The following EHBP1 variants were observed in gnomAD, a reference collection of about 807,000 sequenced individuals.
EHBP1 encodes EH domain-binding protein 1.
In EHBP1, 55 loss-of-function variants were observed where a neutral mutation model predicts 144.0. That is an observed-to-expected ratio of 0.38 (90% confidence interval 0.31 to 0.48). EHBP1 has a LOEUF of 0.48. Among genes scored for constraint, EHBP1 ranks in the 20% least tolerant of loss-of-function variants. The probability of loss-of-function intolerance (pLI) is 0.98; values close to 1 mark genes in which losing one functional copy is unlikely to be tolerated. For synonymous variants in EHBP1, 469 were observed against 472.7 expected, an observed-to-expected ratio of 0.99 and a Z score of 0.10; for missense variants, 1,200 against 1,364.2, an observed-to-expected ratio of 0.88 and a Z score of 1.90.
chr2:62,769,413 C>T lies in EHBP1; in HGVS notation c.259-1926C>T, dbSNP rs569675970. 2.0e-5 allele frequency among the ~76,000 whole-genome samples: 3 copies of T among 151,896 alleles called. No individual in the cohort carries two copies. The East Asian group carries it at 5.8e-4, about 29-fold the overall frequency. On this transcript the variant is annotated intron_variant, in intron 4 of 22. Transcript: ENST00000431489. ...GGAACACAATCCCATTTATAATTGC[C>T]CCAAAAATAATAAAATACCTAGGAA...
intron 5 of EHBP1, among the ~76,000 whole-genome samples, chr2:62,774,797 A>T (rs895003638): frequency 6.6e-6 from 1 of 152,170 alleles, no homozygotes; most frequent in Non-Finnish European, 1.5e-5. Flanking sequence ...GTGAGCTGTG[A>T]TCGTGACACT....
intron 19 of EHBP1, among the ~76,000 whole-genome samples, chr2:63,008,026 A>G (rs1410700133): frequency 6.6e-6 from 1 of 151,678 alleles, no homozygotes; most frequent in Non-Finnish European, 1.5e-5. Context: ...TTCTTAAACA[A>G]TTGGATGAAA....
chr2:62,755,019 C>T (rs2040143034), intron 3 of EHBP1, among the ~76,000 whole-genome samples: 1 of 152,210 alleles, frequency 6.6e-6, no homozygotes, highest in African/African-American at 2.4e-5. Context: ...CGACAAGCCC[C>T]AGTAAGATGA....
intron 19 of EHBP1, among the ~76,000 whole-genome samples, chr2:63,008,675 A>G (rs898087524): frequency 6.6e-6 from 1 of 150,976 alleles, no homozygotes; most frequent in Non-Finnish European, 1.5e-5. Flanking sequence ...TTTGCCTAAA[A>G]ATAATAAATG....
intron 14 of EHBP1, among the ~76,000 whole-genome samples, chr2:62,971,390 T>G (rs2058489760): frequency 6.6e-6 from 1 of 152,214 alleles, no homozygotes; most frequent in South Asian, 2.1e-4. Flanking sequence ...GCTGGGAACG[T>G]AAGTTTTAAG....
chr2:63,027,505 T>C (rs2061031104), intron 19 of EHBP1, among the ~76,000 whole-genome samples: 1 of 152,076 alleles, frequency 6.6e-6, no homozygotes, highest in African/African-American at 2.4e-5. Context: ...GATTTCAAGG[T>C]GTTGTGTAAT....
intron 1 of EHBP1, among the ~76,000 whole-genome samples, chr2:62,687,822 A>C (rs963042364): frequency 8.5e-5 from 13 of 152,212 alleles, no homozygotes; most frequent in African/African-American, 1.4e-4. Flanking sequence ...GTGTGTCCTT[A>C]TAAAGTATGA....
At chr2:63,028,844 G>A (rs749485184) in intron 19 of EHBP1, among the ~76,000 whole-genome samples, 9 of 152,148 alleles carry the variant, frequency 5.9e-5, no homozygotes, top group Non-Finnish European at 1.2e-4. Context: ...TAAAGGTGCT[G>A]TGCTTTTAAC....
chr2:62,746,751 G>C (rs961068533), intron 2 of EHBP1, among the ~76,000 whole-genome samples: 1 of 152,030 alleles, frequency 6.6e-6, no homozygotes, highest in Non-Finnish European at 1.5e-5. Context: ...CTTTATATTA[G>C]TGGAAGATAG....
chr2:63,043,692 G>A (rs1439626862), intron 21 of EHBP1, among the ~76,000 whole-genome samples: 1 of 151,980 alleles, frequency 6.6e-6, no homozygotes, highest in Non-Finnish European at 1.5e-5. Flanking sequence ...AGGGGGTCGG[G>A]GGGGATTTGA....
intron 2 of EHBP1, among the ~76,000 whole-genome samples, chr2:62,722,190 C>A (rs1430190175): frequency 6.6e-6 from 1 of 151,560 alleles, no homozygotes; most frequent in Non-Finnish European, 1.5e-5. Flanking sequence ...AGTGCAGTGG[C>A]GTGTGATCTT....
intron 15 of EHBP1, among the ~76,000 whole-genome samples, chr2:62,980,582 A>G (rs2058919843): frequency 6.6e-6 from 1 of 152,130 alleles, no homozygotes; most frequent in Non-Finnish European, 1.5e-5. Context: ...AGAAAATTCT[A>G]ATGCTTATAA....
chr2:63,016,788 A>G (rs1366631041), intron 19 of EHBP1, among the ~76,000 whole-genome samples: 3 of 152,146 alleles, frequency 2.0e-5, no homozygotes, highest in Non-Finnish European at 1.5e-5. Flanking sequence ...GAACATGTCA[A>G]ACAATTGATT....
intron 7 of EHBP1, among the ~76,000 whole-genome samples, chr2:62,832,843 G>A (rs2046930434): frequency 6.6e-6 from 1 of 152,036 alleles, no homozygotes; most frequent in Non-Finnish European, 1.5e-5. Flanking sequence ...AATGCCTATG[G>A]GTGTTTAAGT....
intron 5 of EHBP1, among the ~76,000 whole-genome samples, chr2:62,783,886 G>A (rs993564411): frequency 6.6e-6 from 1 of 152,260 alleles, no homozygotes; most frequent in African/African-American, 2.4e-5. Flanking sequence ...CAGAAAATGG[G>A]GTTTTCTTTT....
chr2:62,894,101 T>A lies in EHBP1; in HGVS notation c.1185+19569T>A, dbSNP rs115425014. Among the ~76,000 whole-genome samples, 289 of 150,048 alleles carry A rather than the reference T, an allele frequency of 1.9e-3. 2 individuals are homozygous for A. The Middle Eastern group carries it at 0.032, about 17-fold the overall frequency. On this transcript the variant is annotated intron_variant, in intron 10 of 22. Transcript: ENST00000431489. Reference sequence around the variant, plus strand: ...GACATCTGGGACATGCCTGACCTCATGTGCTGCTTCATGCATTCAATATTT... The same window carrying A: ...GACATCTGGGACATGCCTGACCTCAAGTGCTGCTTCATGCATTCAATATTT...
chr2:62,855,203 C>T (rs905751293), intron 7 of EHBP1, among the ~76,000 whole-genome samples: 1 of 152,244 alleles, frequency 6.6e-6, no homozygotes, highest in East Asian at 1.9e-4. Flanking sequence ...CTATTGGCAC[C>T]TGCTCCAATC....
chr2:63,026,116 A>G (rs2060960700), intron 19 of EHBP1, among the ~76,000 whole-genome samples: 3 of 152,204 alleles, frequency 2.0e-5, no homozygotes, highest in Admixed American at 6.5e-5. Flanking sequence ...ACAACTTCAG[A>G]CTTGCACTGA....
chr2:62,827,911 C>G (rs560290977), intron 6 of EHBP1, among the ~76,000 whole-genome samples: 2 of 152,044 alleles, frequency 1.3e-5, no homozygotes, highest in Non-Finnish European at 2.9e-5. Context: ...TCAAGTGATC[C>G]GCCCACCTCG....
Sources: gnomAD v4.1 joint callset for allele counts (sites outside exome capture counted in the v4.1 genomes callset) on GRCh38, gnomAD v4.1.1 for gene constraint, MANE v1.5 for transcripts, NCBI Gene and HGNC (gene_info 2026-07-23, HGNC 2026-07-21) for gene names.